The following AK7 variants were observed in gnomAD, a reference collection of about 807,000 sequenced individuals.
AK7 encodes adenylate kinase 7, also known as ATP-AMP transphosphorylase 7.
AK7 carries 78 observed loss-of-function variants against 96.6 expected under a neutral mutation model. The ratio of observed to expected loss-of-function variants is 0.81; its 90% CI spans 0.67 to 0.97. AK7 has a LOEUF of 0.97. Ranked by LOEUF, AK7 falls within the 50% of genes least tolerant of loss-of-function variation. The pLI is 0.00. For missense variants in AK7, 855 were observed against 887.9 expected (o/e 0.96, Z 0.47); for synonymous variants, 302 against 317.2 (o/e 0.95, Z 0.51).
chr14:96,406,525 T>G (rs1044065995), intron 3 of AK7, among the ~76,000 whole-genome samples: 1 of 152,176 alleles, frequency 6.6e-6, no homozygotes, highest in Non-Finnish European at 1.5e-5. Context: ...ATAGAGTGTT[T>G]GTGTCTGCAA....
At chr14:96,413,837 C>G (rs1891177288) in intron 4 of AK7, among the ~76,000 whole-genome samples, 1 of 152,206 alleles carries the variant, frequency 6.6e-6, no homozygotes, top group South Asian at 2.1e-4. Context: ...CATGATGCCA[C>G]CCCACTGTCT....
At chr14:96,467,435 A>C in intron 12 of AK7, among the ~76,000 whole-genome samples, 1 of 151,882 alleles carries the variant, frequency 6.6e-6, no homozygotes, top group African/African-American at 2.4e-5. Flanking sequence ...TCCCAGGTTC[A>C]GGCAATTCTC....
At position 96,408,898 on chromosome 14, in the gene AK7, T is replaced by C. The variant is rs114610441; in HGVS notation, c.455T>C (p.Leu152Pro). Residue 152 changes from leucine to proline, a missense_variant, in exon 4 of 18, where the codon CTG becomes CCG. Physicochemically the swap from Leu to Pro is moderately conservative, Grantham distance 98. Transcript: ENST00000267584. ...HFEKRKLFILLSTVMTWARSK... is the reference protein window; with the variant it reads ...HFEKRKLFILPSTVMTWARSK... Reference sequence around the variant, plus strand: ...GAAAAGCGAAAGCTATTTATTTTACTGTCGACGGTGATGACTTGGGCGCGC... The same window carrying C: ...GAAAAGCGAAAGCTATTTATTTTACCGTCGACGGTGATGACTTGGGCGCGC... 2.2e-4 allele frequency: 356 copies of C among 1,614,256 alleles called. No homozygotes were observed. The African/African-American group carries it at 4.1e-3, about 19-fold the overall frequency.
intron 15 of AK7, among the ~76,000 whole-genome samples, chr14:96,480,234 C>T (rs1017427314): frequency 1.3e-5 from 2 of 152,102 alleles, no homozygotes; most frequent in African/African-American, 4.8e-5. Flanking sequence ...GAGTTCAAGA[C>T]CAGCATGGCC....
At chr14:96,472,884 C>T (rs1157279548) in intron 14 of AK7, 129 bp downstream of exon 14, 1 of 617,612 alleles carries the variant, frequency 1.6e-6, no homozygotes, top group African/African-American at 1.9e-5. Flanking sequence ...GAGTTCAAGA[C>T]CAGCCTGGCC....
intron 3 of AK7, among the ~76,000 whole-genome samples, chr14:96,406,148 G>T (rs1253698751): frequency 6.6e-6 from 1 of 151,902 alleles, no homozygotes; most frequent in Non-Finnish European, 1.5e-5. Flanking sequence ...CCACCTCCCG[G>T]GTTCAAGTGA....
chr14:96,457,981 T>C, intron 11 of AK7, 102 bp from the exon 12 acceptor site: 1 of 1,531,832 alleles, frequency 6.5e-7, no homozygotes, highest in Non-Finnish European at 8.8e-7. Flanking sequence ...GTACCTGTCC[T>C]ATTTGGATCC....
At chr14:96,393,886 A>G (rs975645626) in intron 1 of AK7, among the ~76,000 whole-genome samples, 3 of 152,066 alleles carry the variant, frequency 2.0e-5, no homozygotes, top group Non-Finnish European at 4.4e-5. Context: ...AGGTGGGTGG[A>G]TCACCTGAGG....
intron 12 of AK7, among the ~76,000 whole-genome samples, chr14:96,463,236 G>A (rs1319124916): frequency 6.6e-6 from 1 of 152,132 alleles, no homozygotes; most frequent in African/African-American, 2.4e-5. Context: ...AATTAACATT[G>A]CGTTCTTTTC....
intron 12 of AK7, among the ~76,000 whole-genome samples, chr14:96,462,027 A>G (rs769014393): frequency 2.4e-4 from 36 of 152,202 alleles, no homozygotes; most frequent in Non-Finnish European, 4.7e-4. Context: ...GAATTGGAGC[A>G]GAGATAGTGC....
chr14:96,401,565 A>T (rs10873471), intron 2 of AK7, among the ~76,000 whole-genome samples: 1 of 152,112 alleles, frequency 6.6e-6, no homozygotes, highest in African/African-American at 2.4e-5. Context: ...GAGAAAGAGC[A>T]TGGGTTATGG....
At chr14:96,442,908 A>G (rs1036970302) in intron 7 of AK7, 90 bp downstream of exon 7, 15 of 1,152,034 alleles carry the variant, frequency 1.3e-5, no homozygotes, top group Middle Eastern at 2.0e-4. Flanking sequence ...GCCTAGTGCT[A>G]AGACCCTTAC....
intron 1 of AK7, among the ~76,000 whole-genome samples, chr14:96,394,664 G>T (rs1189870320): frequency 6.6e-6 from 1 of 152,162 alleles, no homozygotes; most frequent in Non-Finnish European, 1.5e-5. Context: ...AGGGGTTAGG[G>T]GTTTTGTTTT....
intron 5 of AK7, among the ~76,000 whole-genome samples, chr14:96,427,354 A>G (rs1040000896): frequency 2.6e-5 from 4 of 152,228 alleles, no homozygotes; most frequent in Non-Finnish European, 4.4e-5. Context: ...ATGGCAGAAG[A>G]TAAAGGGGAA....
chr14:96,456,534 T>C, intron 11 of AK7, 59 bp downstream of exon 11: 1 of 1,563,130 alleles, frequency 6.4e-7, no homozygotes, highest in East Asian at 2.3e-5. Flanking sequence ...GTTCTTAGGG[T>C]ATAAAGATGT....
intron 12 of AK7, among the ~76,000 whole-genome samples, chr14:96,462,846 A>G (rs1894329933): frequency 6.6e-6 from 1 of 152,166 alleles, no homozygotes; most frequent in Admixed American, 6.5e-5. Context: ...TTCTTAAAAC[A>G]GTTAACCTTG....
chr14:96,448,726 C>A (rs1893395126), intron 8 of AK7, among the ~76,000 whole-genome samples: 1 of 149,498 alleles, frequency 6.7e-6, no homozygotes, highest in Non-Finnish European at 1.5e-5. Context: ...GAGGCCCAGG[C>A]AGGCAGATCC....
chr14:96,460,617 C>T (rs868156380), intron 12 of AK7, among the ~76,000 whole-genome samples: 1 of 152,188 alleles, frequency 6.6e-6, no homozygotes, highest in Non-Finnish European at 1.5e-5. Flanking sequence ...TGGTACTCCA[C>T]CCCTTTGCCA....
rs753339747 is a variant in AK7 at position 96,483,064 on chromosome 14, G to A, written c.1819G>A (p.Glu607Lys). The change falls in exon 16 of 18, where the codon GAG (glutamate) becomes AAG (lysine). Residue 607 changes from glutamate (E) to lysine (K), a missense_variant. By Grantham distance (56) the Glu-to-Lys change is moderately conservative. Coordinates refer to ENST00000267584, the MANE Select transcript of AK7 (RefSeq NM_152327.5). ...CAAACAGCTCATCAAAGAGATTGGG[G>A]AGCCTCGAAATTATGGTTTAACAGA... Reference protein sequence around the residue: ...AIKQLIKEIGEPRNYGLTDEE... With the variant: ...AIKQLIKEIGKPRNYGLTDEE... 3 of 1,614,182 alleles carry A rather than the reference G, an allele frequency of 1.9e-6. No individual in the cohort carries two copies. In the South Asian group the frequency reaches 3.3e-5, roughly 18 times the overall value.
Sources: gnomAD v4.1 joint callset for allele counts (sites outside exome capture counted in the v4.1 genomes callset) on GRCh38, gnomAD v4.1.1 for gene constraint, MANE v1.5 for transcripts, NCBI Gene and HGNC (gene_info 2026-07-23, HGNC 2026-07-21) for gene names.